EMSY: variants seen among roughly 807,000 people sequenced by gnomAD.
EMSY encodes the protein BRCA2-interacting transcriptional repressor EMSY.
Under a neutral mutation model 134.6 loss-of-function variants are expected in EMSY, and 26 were observed. The ratio of observed to expected loss-of-function variants is 0.19; its 90% CI spans 0.14 to 0.27. The LOEUF (loss-of-function observed/expected upper bound fraction) is 0.27. Ranked by LOEUF, EMSY falls within the 10% of genes least tolerant of loss-of-function variation. EMSY has a pLI of 1.00. For synonymous variants in EMSY, 579 were observed against 577.8 expected, an observed-to-expected ratio of 1.00 and a Z score of -0.03; for missense variants, 1,305 against 1,611.4, an observed-to-expected ratio of 0.81 and a Z score of 3.26.
Position 76,450,057 on chromosome 11 carries a change from CTT to C in EMSY, c.71-1786_71-1785del, listed in dbSNP as rs11334942. 4.7e-3 allele frequency among the ~76,000 whole-genome samples: 615 copies of C among 130,912 alleles called. 1 individual carries two copies. Among genetic ancestry groups the C allele is most frequent in the African/African-American group, 5.0e-3 (177 of 35,424 alleles). The allele number at this position is 130,912 out of a possible 152,430, so 85.9% of individuals were successfully genotyped here. ...TTACTCTATTTCTTTTGTACATTTG[CTT>C]TTTTTTTTTTTTTTCCCTGCCTGCC... On this transcript the variant is annotated intron_variant, in intron 2 of 20. Coordinates refer to ENST00000334736, the Ensembl canonical transcript of EMSY.
chr11:76,542,090 C>A, intron 17 of EMSY, 126 bp from the exon 19 acceptor site: 1 of 1,219,166 alleles, frequency 8.2e-7, no homozygotes, highest in Non-Finnish European at 1.2e-6. Flanking sequence ...GGTCTTCTGC[C>A]TCCTAGTTCA....
rs1951388011 is a variant in EMSY at position 76,540,350 on chromosome 11, A to G, written c.2557+710A>G. Among the ~76,000 whole-genome samples, 4 of 152,092 alleles carry G rather than the reference A, an allele frequency of 2.6e-5. No homozygotes were observed. The South Asian group carries it at 6.2e-4, about 24-fold the overall frequency. On this transcript the variant is annotated intron_variant, in intron 17 of 20. Transcript: ENST00000334736. Reference sequence around the variant, plus strand: ...GTTTTTTCTACTCAGTCATATTGTAAATTACTTCAGTCATTGTTGTTTTAG... The same window carrying G: ...GTTTTTTCTACTCAGTCATATTGTAGATTACTTCAGTCATTGTTGTTTTAG...
At chr11:76,482,135 C>T (rs890443441) in intron 8 of EMSY, among the ~76,000 whole-genome samples, 3 of 152,132 alleles carry the variant, frequency 2.0e-5, no homozygotes, top group African/African-American at 4.8e-5. Flanking sequence ...CAGCAAACTC[C>T]AGCAGACCTG....
At chr11:76,526,771 A>C in intron 13 of EMSY, 136 bp downstream of exon 14, 1 of 862,722 alleles carries the variant, frequency 1.2e-6, no homozygotes, top group Non-Finnish European at 1.7e-6. Context: ...TGAATGTGTT[A>C]ATTATTCAAG....
chr11:76,521,776 A>G (rs1198517823), intron 11 of EMSY, among the ~76,000 whole-genome samples: 1 of 151,732 alleles, frequency 6.6e-6, no homozygotes, highest in South Asian at 2.1e-4. Flanking sequence ...AAAAAAAAAA[A>G]AAAAAAAGTC....
At chr11:76,451,389 T>G (rs1308188692) in intron 2 of EMSY, among the ~76,000 whole-genome samples, 1 of 152,236 alleles carries the variant, frequency 6.6e-6, no homozygotes, top group Non-Finnish European at 1.5e-5. Flanking sequence ...TCCAATATTT[T>G]TTCCATTGCA....
intron 16 of EMSY, among the ~76,000 whole-genome samples, chr11:76,538,514 G>A (rs1951310910): frequency 1.3e-5 from 2 of 152,062 alleles, no homozygotes; most frequent in African/African-American, 4.8e-5. Context: ...GTCCACCTTG[G>A]CCTCCCAAAG....
intron 11 of EMSY, among the ~76,000 whole-genome samples, chr11:76,522,171 G>T (rs1171617712): frequency 1.3e-5 from 2 of 152,094 alleles, no homozygotes; most frequent in African/African-American, 2.4e-5. Flanking sequence ...GGATGTGTGG[G>T]AGAGGGCAAA....
intron 5 of EMSY, chr11:76,458,599 T>C (rs1220081056): frequency 2.8e-6 from 1 of 357,144 alleles, no homozygotes; most frequent in Non-Finnish European, 5.0e-6. Flanking sequence ...AACCTCGGAA[T>C]AGATTTTTGA....
chr11:76,446,901 G>A, exon 2 of EMSY: 14 of 1,597,314 alleles, frequency 8.8e-6, no homozygotes, highest in Non-Finnish European at 1.0e-5. Context: ...TTCTGGTAGG[G>A]AGGACAAGCT....
intron 20 of EMSY, among the ~76,000 whole-genome samples, chr11:76,546,763 T>C (rs1367320429): frequency 2.0e-5 from 3 of 152,198 alleles, no homozygotes; most frequent in African/African-American, 7.2e-5. Context: ...TGATCCAAAT[T>C]TATGACTCAG....
At chr11:76,530,712 T>A (rs1951010712) in intron 14 of EMSY, among the ~76,000 whole-genome samples, 1 of 152,200 alleles carries the variant, frequency 6.6e-6, no homozygotes, top group African/African-American at 2.4e-5. Flanking sequence ...TATCGCCTTG[T>A]ATAGCTGTTT....
intron 2 of EMSY, among the ~76,000 whole-genome samples, chr11:76,447,442 C>A (rs1233457710): frequency 6.6e-6 from 1 of 152,232 alleles, no homozygotes. Flanking sequence ...TTCAGTCTCA[C>A]TTTAACATAC....
chr11:76,468,662 A>G (rs1267127926), intron 7 of EMSY, among the ~76,000 whole-genome samples: 1 of 152,232 alleles, frequency 6.6e-6, no homozygotes, highest in Non-Finnish European at 1.5e-5. Flanking sequence ...AAGTATAATT[A>G]TTTATGAATT....
At chr11:76,501,314 AAAAC>A (rs1484674682) in intron 9 of EMSY, among the ~76,000 whole-genome samples, 1 of 152,230 alleles carries the variant, frequency 6.6e-6, no homozygotes, top group African/African-American at 2.4e-5. Flanking sequence ...ATACATTAGA[AAAAC>A]AAACAAACAA....
chr11:76,454,570 A>G (rs1414170756), intron 4 of EMSY, among the ~76,000 whole-genome samples, 179 bp from the exon 5 acceptor site: 4 of 152,176 alleles, frequency 2.6e-5, no homozygotes, highest in African/African-American at 9.6e-5. Context: ...TAGGAAATTT[A>G]TGTGCTAGAG....
At chr11:76,485,531 T>C (rs949613316) in intron 8 of EMSY, among the ~76,000 whole-genome samples, 3 of 152,166 alleles carry the variant, frequency 2.0e-5, no homozygotes, top group Non-Finnish European at 4.4e-5. Flanking sequence ...AAACTAGGTA[T>C]TGATGGAACG....
At chr11:76,526,231 G>T (rs934166308) in intron 12 of EMSY, among the ~76,000 whole-genome samples, 1 of 151,968 alleles carries the variant, frequency 6.6e-6, no homozygotes, top group Admixed American at 6.6e-5. Context: ...TTTAAAATTC[G>T]CTCATCAGAG....
In EMSY at chr11:76,533,127, A is replaced by G. The variant is rs147569472; in HGVS notation, c.2195-2768A>G. On this transcript the variant is annotated intron_variant, in intron 14 of 20. Transcript: ENST00000334736. Reference sequence around the variant, plus strand: ...TATGACAGTGCTTCAGAGGGAAGGTATATATTACATCGTAAAAGGGATATA... The same window carrying G: ...TATGACAGTGCTTCAGAGGGAAGGTGTATATTACATCGTAAAAGGGATATA... Among the ~76,000 whole-genome samples the G allele has an allele frequency of 6.0e-3, 920 of 152,266 alleles. 23 individuals carry two copies. The highest frequency in any genetic ancestry group is 0.042 in the Admixed American group (646 of 15,290).
Sources: gnomAD v4.1 joint callset for allele counts (sites outside exome capture counted in the v4.1 genomes callset) on GRCh38, gnomAD v4.1.1 for gene constraint, MANE v1.5 for transcripts, NCBI Gene and HGNC (gene_info 2026-07-23, HGNC 2026-07-21) for gene names.